The following RAD51 variants were observed in gnomAD, a reference collection of about 807,000 sequenced individuals.
The protein encoded by RAD51 is RAD51 recombinase.
A neutral mutation model predicts 41.5 loss-of-function variants in RAD51; 14 were observed. The observed-to-expected ratio is 0.34, with a 90% CI of 0.22 to 0.53. The LOEUF is 0.53. Among genes scored for constraint, RAD51 ranks in the 20% least tolerant of loss-of-function variants. The probability of loss-of-function intolerance (pLI) is 0.95; values close to 1 mark genes in which losing one functional copy is unlikely to be tolerated. For synonymous variants in RAD51, 136 were observed against 148.6 expected (o/e 0.92, Z 0.62); for missense variants, 234 against 422.0 (o/e 0.55, Z 3.90).
chr15:40,696,711 A>G (rs1347670754), intron 1 of RAD51, among the ~76,000 whole-genome samples: 2 of 152,230 alleles, frequency 1.3e-5, no homozygotes, highest in Admixed American at 6.5e-5. Context: ...TTTGAATTTT[A>G]TATAAAAATA....
intron 9 of RAD51, among the ~76,000 whole-genome samples, chr15:40,730,334 G>T (rs889594185): frequency 6.6e-6 from 1 of 151,776 alleles, no homozygotes; most frequent in African/African-American, 2.4e-5. Context: ...ACAAAGTGAG[G>T]CCTCTGTCTC....
chr15:40,721,944 GATAAAATGTAC>G (rs779517576), intron 6 of RAD51, among the ~76,000 whole-genome samples: 80 of 152,248 alleles, frequency 5.3e-4, no homozygotes, highest in Non-Finnish European at 9.8e-4. Flanking sequence ...CAAATGAATA[GATAAAATGTAC>G]ATACACACAA....
At chr15:40,709,503 A>C (rs1895558186) in intron 5 of RAD51, among the ~76,000 whole-genome samples, 1 of 149,604 alleles carries the variant, frequency 6.7e-6, no homozygotes, top group African/African-American at 2.5e-5. Context: ...CCTCCCGAGT[A>C]CCTGGGATTA....
At position 40,729,634 on chromosome 15, in the gene RAD51, G is replaced by A. The variant is rs1567055743; in HGVS notation, c.774G>A (p.Glu258=). The A allele has an allele frequency of 2.5e-6, 4 of 1,613,700 alleles. No homozygotes were observed. Among genetic ancestry groups the A allele is most frequent in the Non-Finnish European group, 3.4e-6 (4 of 1,179,980 alleles). Residue 258 remains glutamate, a splice_region_variant and synonymous_variant, in exon 8 of 10, where the codon GAG becomes GAA. Transcript: ENST00000267868. ...GGATGCTTCTGCGACTCGCTGATGA[G>A]GTAAGTTGTGGGATAGGGACAGAGA... ...FLRMLLRLAD[E]FGVAVVITNQ...
rs200332701 is a variant in RAD51, at chr15:40,701,044, A to G, written c.88-20A>G. On this transcript the variant is annotated intron_variant, in intron 2 of 9. Transcript: ENST00000267868. ...AGAGAACTAAAGCTTAAATTTATCC[A>G]TGGTTTTCTTCATTTGCAGCAGTGT... The G allele has an allele frequency of 1.5e-5, 24 of 1,613,906 alleles. No homozygotes were observed. The East Asian group carries it at 2.2e-4, about 15-fold the overall frequency.
intron 7 of RAD51, among the ~76,000 whole-genome samples, 164 bp downstream of exon 7, chr15:40,728,988 T>C (rs1296341397): frequency 1.3e-5 from 2 of 152,210 alleles, no homozygotes; most frequent in Admixed American, 6.5e-5. Context: ...CAAGTCACTA[T>C]TAAAAATGAA....
intron 1 of RAD51, among the ~76,000 whole-genome samples, chr15:40,697,968 A>G (rs1894754056): frequency 6.6e-6 from 1 of 152,196 alleles, no homozygotes; most frequent in Admixed American, 6.6e-5. Flanking sequence ...AGAACATTCA[A>G]AATACTCGCT....
chr15:40,713,896 G>A (rs534481528), intron 5 of RAD51, among the ~76,000 whole-genome samples: 5 of 151,872 alleles, frequency 3.3e-5, no homozygotes, highest in African/African-American at 4.8e-5. Context: ...GTGAGCCACC[G>A]TGCCTGGCTG....
At chr15:40,702,860 G>A (rs1895090066) in intron 3 of RAD51, among the ~76,000 whole-genome samples, 3 of 144,846 alleles carry the variant, frequency 2.1e-5, no homozygotes, top group Middle Eastern at 3.5e-3. Context: ...GTCTCACTCT[G>A]TTGCCCAGGC....
At chr15:40,708,706 C>A (rs1318197465) in intron 4 of RAD51, among the ~76,000 whole-genome samples, 1 of 151,938 alleles carries the variant, frequency 6.6e-6, no homozygotes, top group African/African-American at 2.4e-5. Flanking sequence ...ACCTTAGCTC[C>A]TGAGTAGCTG....
intron 7 of RAD51, 25 bp from the exon 8 acceptor site, chr15:40,729,480 T>C (rs1596026643): frequency 1.2e-6 from 2 of 1,612,058 alleles, no homozygotes; most frequent in Non-Finnish European, 1.7e-6. Context: ...AGAAATAGGC[T>C]TCAGAGAATC....
At chr15:40,730,006 C>G in intron 9 of RAD51, 32 bp downstream of exon 9, 1 of 1,610,326 alleles carries the variant, frequency 6.2e-7, no homozygotes, top group South Asian at 1.1e-5. Context: ...TTCTTCTTTT[C>G]GGAATGTCAT....
intron 1 of RAD51, among the ~76,000 whole-genome samples, chr15:40,696,069 G>A (rs1453184601): frequency 2.6e-5 from 4 of 151,910 alleles, no homozygotes; most frequent in Non-Finnish European, 5.9e-5. Flanking sequence ...GTAGAGACGG[G>A]GTTTCACCAT....
chr15:40,722,561 G>A (rs1411369548), intron 6 of RAD51, among the ~76,000 whole-genome samples: 1 of 152,112 alleles, frequency 6.6e-6, no homozygotes, highest in East Asian at 1.9e-4. Context: ...TTCAGTTTGG[G>A]ATGATGAAAA....
intron 5 of RAD51, among the ~76,000 whole-genome samples, chr15:40,712,835 C>G (rs945012871): frequency 2.0e-5 from 3 of 151,064 alleles, no homozygotes; most frequent in African/African-American, 7.3e-5. Context: ...GTTTTTCTAT[C>G]CTCGGGACTC....
chr15:40,700,927 C>A, intron 2 of RAD51, 137 bp from the exon 3 acceptor site: 1 of 809,198 alleles, frequency 1.2e-6, no homozygotes, highest in African/African-American at 1.8e-5. Flanking sequence ...CCATCTCCCC[C>A]CGCCCCCCCA....
At chr15:40,709,219 C>G (rs1437527157) in intron 5 of RAD51, 103 bp downstream of exon 5, 2 of 973,522 alleles carry the variant, frequency 2.1e-6, no homozygotes, top group African/African-American at 3.2e-5. Context: ...TTTCTCTGTC[C>G]TCAAGAATCT....
intron 2 of RAD51, among the ~76,000 whole-genome samples, chr15:40,699,335 G>T (rs892434496): frequency 6.6e-6 from 1 of 152,210 alleles, no homozygotes; most frequent in African/African-American, 2.4e-5. Context: ...TAGAGACAGG[G>T]TTTCTCCATG....
At chr15:40,723,545 T>C (rs1896388079) in intron 6 of RAD51, among the ~76,000 whole-genome samples, 1 of 152,172 alleles carries the variant, frequency 6.6e-6, no homozygotes, top group African/African-American at 2.4e-5. Context: ...AGGTTTCAAA[T>C]ATGCTAAATG....
Sources: allele counts gnomAD v4.1 joint callset (sites outside exome capture counted in the v4.1 genomes callset), GRCh38; gene constraint gnomAD v4.1.1; transcripts MANE v1.5; gene names NCBI Gene and HGNC (gene_info 2026-07-23, HGNC 2026-07-21).